The following MAGI2 variants were observed in gnomAD, a reference collection of about 807,000 sequenced individuals.
The protein encoded by MAGI2 is membrane associated guanylate kinase, WW and PDZ domain containing 2, also known as membrane-associated guanylate kinase, WW and PDZ domain-containing protein 2.
Under a neutral mutation model 133.3 loss-of-function variants are expected in MAGI2, and 35 were observed. The observed-to-expected ratio is 0.26, with a 90% CI of 0.20 to 0.35. MAGI2 has a LOEUF of 0.35. MAGI2 is among the 10% of genes least tolerant of loss of function. The probability of loss-of-function intolerance (pLI) is 1.00; values close to 1 mark genes in which losing one functional copy is unlikely to be tolerated. For missense variants in MAGI2, 1,636 were observed against 1,863.4 expected, an observed-to-expected ratio of 0.88 and a Z score of 2.25; for synonymous variants, 729 against 710.6, an observed-to-expected ratio of 1.03 and a Z score of -0.41.
intron 1 of MAGI2, among the ~76,000 whole-genome samples, chr7:79,370,456 T>A (rs1278461963): frequency 6.6e-6 from 1 of 152,074 alleles, no homozygotes; most frequent in African/African-American, 2.4e-5. Context: ...AAAAAATGCA[T>A]GTCTTACTCA....
intron 1 of MAGI2, chr7:79,410,208 T>G (rs1563198072): frequency 6.6e-6 from 1 of 152,166 alleles, no homozygotes; most frequent in Non-Finnish European, 1.5e-5. Context: ...AGTGTTCATT[T>G]AAATTAGAAT....
chr7:78,388,782 A>G (rs535132085), intron 6 of MAGI2, among the ~76,000 whole-genome samples: 1 of 152,328 alleles, frequency 6.6e-6, no homozygotes, highest in East Asian at 1.9e-4. Flanking sequence ...GACTATTTTT[A>G]AAGATATGGC....
intron 2 of MAGI2, among the ~76,000 whole-genome samples, chr7:78,902,157 T>C (rs374561858): frequency 1.3e-5 from 2 of 152,208 alleles, no homozygotes; most frequent in Admixed American, 6.5e-5. Flanking sequence ...TTCCCCTAGA[T>C]ATGAATGCAA....
At chr7:79,416,891 T>A (rs1846569589) in intron 1 of MAGI2, among the ~76,000 whole-genome samples, 1 of 151,458 alleles carries the variant, frequency 6.6e-6, no homozygotes, top group African/African-American at 2.4e-5. Context: ...CCCGCCACCA[T>A]GCCTGAAAAA....
chr7:78,024,565 T>C (rs925853114), intron 21 of MAGI2, among the ~76,000 whole-genome samples: 4 of 152,214 alleles, frequency 2.6e-5, no homozygotes, highest in Non-Finnish European at 5.9e-5. Context: ...GCAAGACTTA[T>C]TAGTCTTATC....
At chr7:78,091,687 A>T (rs1423831620) in intron 20 of MAGI2, among the ~76,000 whole-genome samples, 1 of 152,172 alleles carries the variant, frequency 6.6e-6, no homozygotes, top group Non-Finnish European at 1.5e-5. Flanking sequence ...TAATTCCAAC[A>T]CCCAGAGCTC....
chr7:79,432,466 C>A (rs985136915), intron 1 of MAGI2, among the ~76,000 whole-genome samples: 3 of 152,292 alleles, frequency 2.0e-5, no homozygotes, highest in African/African-American at 4.8e-5. Flanking sequence ...GGGATTTATG[C>A]CTACTTCTTG....
chr7:78,270,282 G>GT (rs1279365144), intron 9 of MAGI2, among the ~76,000 whole-genome samples: 1 of 152,140 alleles, frequency 6.6e-6, no homozygotes, highest in East Asian at 1.9e-4. Flanking sequence ...ATTTGAAGTA[G>GT]TTTTTTCCAA....
chr7:78,452,528 T>G (rs888361849), intron 6 of MAGI2, among the ~76,000 whole-genome samples: 5 of 151,986 alleles, frequency 3.3e-5, no homozygotes, highest in African/African-American at 1.2e-4. Context: ...GTTGAAAATA[T>G]AAAACCCACA....
chr7:79,039,267 T>C (rs912956324), intron 1 of MAGI2, among the ~76,000 whole-genome samples: 1 of 152,178 alleles, frequency 6.6e-6, no homozygotes, highest in Non-Finnish European at 1.5e-5. Flanking sequence ...TCCATCACGA[T>C]TGTAAGTTTC....
intron 2 of MAGI2, among the ~76,000 whole-genome samples, chr7:78,903,402 A>G (rs1461963746): frequency 6.6e-6 from 1 of 151,480 alleles, no homozygotes; most frequent in Non-Finnish European, 1.5e-5. Context: ...TCACCATGTT[A>G]GCCAGGATGG....
intron 6 of MAGI2, among the ~76,000 whole-genome samples, chr7:78,449,047 T>C (rs546181924): frequency 1.3e-5 from 2 of 152,170 alleles, no homozygotes; most frequent in South Asian, 2.1e-4. Context: ...CTAGGAGATA[T>C]TAGACATAAA....
intron 20 of MAGI2, among the ~76,000 whole-genome samples, chr7:78,106,092 C>A (rs1159711167): frequency 2.0e-5 from 3 of 152,124 alleles, no homozygotes; most frequent in African/African-American, 7.2e-5. Flanking sequence ...TTAGCTCCTA[C>A]ATATAAGTAA....
At chr7:78,051,884 C>CTTTTTTT (rs59919639) in intron 21 of MAGI2, among the ~76,000 whole-genome samples, 6,897 of 125,418 alleles carry the variant, frequency 0.055, 699 homozygotes, top group African/African-American at 0.2. Flanking sequence ...CATACCCAGC[C>CTTTTTTT]TTTTTTTTTT....
At chr7:78,956,758 A>G (rs1802413355) in intron 2 of MAGI2, among the ~76,000 whole-genome samples, 1 of 152,174 alleles carries the variant, frequency 6.6e-6, no homozygotes, top group Non-Finnish European at 1.5e-5. Flanking sequence ...TTTTTTATGT[A>G]ATACATCAGT....
At chr7:78,440,354 G>A (rs1393166848) in intron 6 of MAGI2, among the ~76,000 whole-genome samples, 1 of 152,074 alleles carries the variant, frequency 6.6e-6, no homozygotes, top group African/African-American at 2.4e-5. Flanking sequence ...ATTTGAACTC[G>A]GGCAATCTGA....
rs1365750322 is a variant in MAGI2 at position 79,214,796 on chromosome 7, T to G, written c.302-207590A>C. On this transcript the variant is annotated intron_variant, in intron 1 of 21. Transcript: ENST00000354212. ...GATAATATAAAAATATATATTAATATAGATAATATATAAATACATTATATT... is the reference window on the plus strand; with the variant it reads ...GATAATATAAAAATATATATTAATAGAGATAATATATAAATACATTATATT... 1.1e-4 allele frequency among the ~76,000 whole-genome samples: 15 copies of G among 141,714 alleles called. No individual in the cohort carries two copies. The Admixed American group carries it at 1.1e-3, about 10-fold the overall frequency. 93.0% of individuals were successfully genotyped at this position (141,714 alleles called of 152,430 possible).
chr7:78,830,050 A>AG (rs1791005931), intron 2 of MAGI2, among the ~76,000 whole-genome samples: 1 of 151,896 alleles, frequency 6.6e-6, no homozygotes, highest in Non-Finnish European at 1.5e-5. Flanking sequence ...TTTCTTCATA[A>AG]TTTTCTATTA....
intron 2 of MAGI2, among the ~76,000 whole-genome samples, chr7:78,844,378 T>C (rs1343187907): frequency 1.3e-5 from 2 of 151,806 alleles, no homozygotes; most frequent in Non-Finnish European, 2.9e-5. Context: ...TCATTACTCA[T>C]AATAGTCCAA....
Sources: allele counts gnomAD v4.1 joint callset (sites outside exome capture counted in the v4.1 genomes callset), GRCh38; gene constraint gnomAD v4.1.1; transcripts MANE v1.5; gene names NCBI Gene and HGNC (gene_info 2026-07-23, HGNC 2026-07-21).